Variants in ADGB observed in about 807,000 individuals in gnomAD.
ADGB encodes the protein androglobin.
Under a neutral mutation model 210.5 loss-of-function variants are expected in ADGB, and 172 were observed. The observed-to-expected ratio is 0.82, with a 90% CI of 0.72 to 0.93. The LOEUF (loss-of-function observed/expected upper bound fraction) is 0.93, where lower values mean the gene tolerates loss of function less well. Among genes scored for constraint, ADGB ranks in the 40% least tolerant of loss-of-function variants. ADGB has a pLI of 0.00. For synonymous variants in ADGB, 658 were observed against 662.7 expected (o/e 0.99, Z 0.11); for missense variants, 2,025 against 1,964.8 (o/e 1.03, Z -0.58).
chr6:146,606,801 T>C (rs1225279276), intron 1 of ADGB, among the ~76,000 whole-genome samples: 1 of 152,210 alleles, frequency 6.6e-6, no homozygotes, highest in Non-Finnish European at 1.5e-5. Context: ...TCGGTCACTG[T>C]AGCCTTGTAG....
At chr6:146,706,067 G>A (rs1354952458) in intron 13 of ADGB, among the ~76,000 whole-genome samples, 1 of 150,546 alleles carries the variant, frequency 6.6e-6, no homozygotes, top group Non-Finnish European at 1.5e-5. Context: ...TGTTACTACA[G>A]GCATGCACCA....
At position 146,733,937 on chromosome 6, in the gene ADGB, G is replaced by C; in HGVS notation, c.2701G>C (p.Glu901Gln). The change falls in exon 22 of 36, where the codon GAG becomes CAG. Residue 901 changes from glutamate (E) to glutamine (Q), a missense_variant. Physicochemically the swap from Glu to Gln is conservative, Grantham distance 29. Coordinates refer to ENST00000397944, the MANE Select transcript of ADGB (RefSeq NM_024694.4). ...VKYCMPTSDK[E>Q]YSAEEVAAAI... is the part of the protein sequence containing the mutation. ...ATATTGTATGCCCACAAGTGATAAAGAGTATTCTGCTGAGGAAGTAGCAGC... is the reference window on the plus strand; with the variant it reads ...ATATTGTATGCCCACAAGTGATAAACAGTATTCTGCTGAGGAAGTAGCAGC... 1 of 1,551,664 alleles carries C rather than the reference G, an allele frequency of 6.4e-7. No homozygotes were observed. The highest frequency in any genetic ancestry group is 8.7e-7 in the Non-Finnish European group (1 of 1,146,968).
chr6:146,788,964 T>TA (rs1777918935), intron 33 of ADGB, among the ~76,000 whole-genome samples: 1 of 152,236 alleles, frequency 6.6e-6, no homozygotes, highest in Non-Finnish European at 1.5e-5. Context: ...TGCTACAAGA[T>TA]AGATTTCCTT....
chr6:146,773,568 C>A (rs1423323362), intron 29 of ADGB, among the ~76,000 whole-genome samples: 3 of 152,144 alleles, frequency 2.0e-5, no homozygotes, highest in African/African-American at 7.2e-5. Context: ...TTCATGCATT[C>A]TTCTTAATTC....
intron 31 of ADGB, 62 bp downstream of exon 31, chr6:146,784,856 A>C: frequency 6.8e-7 from 1 of 1,465,760 alleles, no homozygotes; most frequent in Middle Eastern, 1.8e-4. Flanking sequence ...CTCTGAAAAA[A>C]ATAGTCATGC....
chr6:146,685,674 G>A, intron 9 of ADGB, 60 bp from the exon 10 acceptor site: 1 of 1,001,178 alleles, frequency 1.0e-6, no homozygotes, highest in South Asian at 1.9e-5. Context: ...TCTGGAGTGA[G>A]CAACTGACAG....
At chr6:146,813,608 C>G (rs9390425) in intron 35 of ADGB, among the ~76,000 whole-genome samples, 51,363 of 151,976 alleles carry the variant, frequency 0.34, 9,186 homozygotes, top group East Asian at 0.67. Flanking sequence ...TGTCCCCAGA[C>G]CTTCAGAGGA....
chr6:146,791,629 C>T (rs1478629001), intron 33 of ADGB, among the ~76,000 whole-genome samples: 1 of 152,162 alleles, frequency 6.6e-6, no homozygotes, highest in Non-Finnish European at 1.5e-5. Context: ...AGGCATGAGC[C>T]ACCCTGGCCT....
intron 1 of ADGB, among the ~76,000 whole-genome samples, chr6:146,617,509 T>G (rs2114837077): frequency 6.6e-6 from 1 of 152,280 alleles, no homozygotes; most frequent in Admixed American, 6.5e-5. Flanking sequence ...CATCATTGTC[T>G]TGTTCCAGAT....
At chr6:146,755,116 T>C (rs1583623714) in intron 27 of ADGB, among the ~76,000 whole-genome samples, 2 of 152,116 alleles carry the variant, frequency 1.3e-5, no homozygotes, top group African/African-American at 4.8e-5. Flanking sequence ...AAAATAAACA[T>C]AAAACAACCT....
rs755261750 is a variant in ADGB at position 146,783,117 on chromosome 6, G to GA, written c.4035+931dup. ...AGAGTGCAAAGTGTGTCAGGAACAG[G>GA]AAAAAAGGAAGGATGGGACAGATCA... On this transcript the variant is annotated intron_variant, in intron 30 of 35. Coordinates refer to ENST00000397944, the MANE Select transcript of ADGB (RefSeq NM_024694.4). 9.2e-5 allele frequency among the ~76,000 whole-genome samples: 14 copies of GA among 152,084 alleles called. No homozygotes were observed. In the East Asian group the frequency reaches 1.2e-3, roughly 13 times the overall value.
rs761600026 is a variant in ADGB at position 146,598,999 on chromosome 6, C to T, written c.-42C>T. The T allele has an allele frequency of 6.5e-7, 1 of 1,527,900 alleles. No homozygotes were observed. Among genetic ancestry groups the T allele is most frequent in the South Asian group, 1.2e-5 (1 of 83,542 alleles). The allele number at this position is 1,527,900 out of a possible 1,614,324, so 94.6% of individuals were successfully genotyped here. ...ACGCGGAGCCGAGCGCGCCCGCAGG[C>T]TCTTTGCTCAGAGCTCAGCCCTACA... On this transcript the variant is annotated 5_prime_UTR_variant, in exon 1 of 36. Coordinates refer to ENST00000397944, the MANE Select transcript of ADGB (RefSeq NM_024694.4).
intron 25 of ADGB, among the ~76,000 whole-genome samples, chr6:146,743,317 G>A (rs1777184630): frequency 6.6e-6 from 1 of 152,066 alleles, no homozygotes. Context: ...TTTTGGAAGA[G>A]ACCTTTAAAG....
intron 29 of ADGB, among the ~76,000 whole-genome samples, chr6:146,776,297 A>G (rs186496522): frequency 1.1e-4 from 17 of 152,196 alleles, no homozygotes; most frequent in Middle Eastern, 3.4e-3. Flanking sequence ...TCTTACAACT[A>G]TATGTACTCC....
intron 10 of ADGB, among the ~76,000 whole-genome samples, chr6:146,690,168 A>C (rs1776283160): frequency 6.6e-6 from 1 of 152,094 alleles, no homozygotes; most frequent in South Asian, 2.1e-4. Context: ...TCTACAGCAG[A>C]GTTGTGAGAG....
intron 18 of ADGB, 193 bp downstream of exon 18, chr6:146,724,520 A>C (rs368958214): frequency 8.2e-5 from 37 of 450,258 alleles, no homozygotes; most frequent in African/African-American, 7.5e-4. Context: ...TGTACAATGA[A>C]TATCCCTTTG....
chr6:146,649,966 A>G (rs1775677447), intron 3 of ADGB, among the ~76,000 whole-genome samples: 2 of 152,184 alleles, frequency 1.3e-5, no homozygotes, highest in Admixed American at 6.5e-5. Flanking sequence ...CTAAACGTGT[A>G]TATGTATTAT....
chr6:146,802,959 C>T, intron 35 of ADGB: 2 of 1,609,820 alleles, frequency 1.2e-6, no homozygotes, highest in Non-Finnish European at 1.7e-6. Flanking sequence ...TAGTTCTGAC[C>T]ACCACCTTTT....
chr6:146,598,983 C>G lies in ADGB; in HGVS notation c.-58C>G, dbSNP rs561667825. ...TCTCCTGGCAACGCAGACGCGGAGC[C>G]GAGCGCGCCCGCAGGCTCTTTGCTC... On this transcript the variant is annotated 5_prime_UTR_variant, in exon 1 of 36. Transcript: ENST00000397944. 26 of 1,475,118 alleles carry G rather than the reference C, an allele frequency of 1.8e-5. No homozygotes were observed. The highest frequency in any genetic ancestry group is 1.5e-4 in the East Asian group (6 of 40,368). The allele number at this position is 1,475,118 out of a possible 1,614,324, so 91.4% of individuals were successfully genotyped here.
Sources: allele counts gnomAD v4.1 joint callset (sites outside exome capture counted in the v4.1 genomes callset), GRCh38; gene constraint gnomAD v4.1.1; transcripts MANE v1.5; gene names NCBI Gene and HGNC (gene_info 2026-07-23, HGNC 2026-07-21).